The following DLG2 variants were observed in gnomAD, a reference collection of about 807,000 sequenced individuals.
DLG2 encodes disks large homolog 2.
In DLG2, 45 loss-of-function variants were observed where a neutral mutation model predicts 132.5. The observed-to-expected ratio is 0.34, with a 90% CI of 0.27 to 0.44. The LOEUF (loss-of-function observed/expected upper bound fraction) is 0.44. Among genes scored for constraint, DLG2 ranks in the 20% least tolerant of loss-of-function variants. The pLI, the probability that DLG2 is intolerant of heterozygous loss-of-function variation, is 1.00. For synonymous variants in DLG2, 424 were observed against 419.6 expected (o/e 1.01, Z -0.13); for missense variants, 1,045 against 1,196.9 (o/e 0.87, Z 1.87).
intron 7 of DLG2, among the ~76,000 whole-genome samples, chr11:84,450,029 A>G (rs533947356): frequency 1.3e-5 from 2 of 151,914 alleles, no homozygotes; most frequent in Non-Finnish European, 2.9e-5. Context: ...ACTCTCAACT[A>G]ATTTAATCCT....
At chr11:85,115,455 A>T (rs2152335625) in intron 5 of DLG2, among the ~76,000 whole-genome samples, 1 of 152,146 alleles carries the variant, frequency 6.6e-6, no homozygotes, top group African/African-American at 2.4e-5. Flanking sequence ...TTCTAAGGAG[A>T]AAGATAAACT....
At chr11:84,123,449 C>T (rs1477695919) in intron 9 of DLG2, among the ~76,000 whole-genome samples, 1 of 152,210 alleles carries the variant, frequency 6.6e-6, no homozygotes, top group African/African-American at 2.4e-5. Context: ...TCCATTAACC[C>T]TGGATCCTCT....
chr11:85,149,844 C>T (rs2077108186), intron 5 of DLG2, among the ~76,000 whole-genome samples: 2 of 152,060 alleles, frequency 1.3e-5, no homozygotes, highest in Admixed American at 1.3e-4. Flanking sequence ...CAACTTGAGG[C>T]TTTCCAGCAG....
intron 4 of DLG2, among the ~76,000 whole-genome samples, chr11:85,187,377 C>G (rs998645011): frequency 5.9e-5 from 9 of 152,070 alleles, no homozygotes; most frequent in African/African-American, 2.2e-4. Flanking sequence ...CATGACCTAA[C>G]GGTTCATTGC....
chr11:84,742,941 T>G (rs1400640194), intron 6 of DLG2, among the ~76,000 whole-genome samples: 2 of 152,174 alleles, frequency 1.3e-5, no homozygotes, highest in East Asian at 3.8e-4. Flanking sequence ...GTTTCCAGTT[T>G]TTACCTATTA....
intron 4 of DLG2, among the ~76,000 whole-genome samples, chr11:85,245,191 C>A (rs1160554514): frequency 6.6e-6 from 1 of 151,790 alleles, no homozygotes; most frequent in African/African-American, 2.4e-5. Flanking sequence ...CTTATTAATC[C>A]TTATTAATAA....
At chr11:85,139,231 C>T (rs1415079421) in intron 5 of DLG2, among the ~76,000 whole-genome samples, 1 of 152,072 alleles carries the variant, frequency 6.6e-6, no homozygotes. Context: ...AGAGCAGGAA[C>T]CTTATGTTTT....
At chr11:83,887,081 C>A (rs148084540) in intron 15 of DLG2, among the ~76,000 whole-genome samples, 3 of 151,890 alleles carry the variant, frequency 2.0e-5, no homozygotes, top group Admixed American at 2.0e-4. Context: ...TAGCATAAGG[C>A]GAGAAATAAC....
rs192285551 is a variant in DLG2 at position 83,766,361 on chromosome 11, G to C, written c.1825+20329C>G. ...ACCCATCTCAGCCTCCCAAAGTGCT[G>C]GGATTACAGGTGTGAGCCACCATGC... On this transcript the variant is annotated intron_variant, in intron 18 of 27. Transcript: ENST00000376104. 1.7e-3 allele frequency among the ~76,000 whole-genome samples: 249 copies of C among 150,836 alleles called. 1 individual carries two copies. The highest frequency in any genetic ancestry group is 6.0e-3 in the African/African-American group (247 of 41,072).
intron 6 of DLG2, among the ~76,000 whole-genome samples, chr11:84,804,642 A>C (rs2075792233): frequency 6.6e-6 from 1 of 152,176 alleles, no homozygotes; most frequent in Admixed American, 6.5e-5. Context: ...AGAGGCACAC[A>C]AGAACAGCCC....
intron 18 of DLG2, among the ~76,000 whole-genome samples, chr11:83,672,334 C>T (rs890170687): frequency 6.6e-6 from 1 of 151,972 alleles, no homozygotes; most frequent in African/African-American, 2.4e-5. Flanking sequence ...ACAGGCACCA[C>T]GCCCGGCTAA....
intron 8 of DLG2, among the ~76,000 whole-genome samples, chr11:84,183,128 C>T (rs2096185434): frequency 1.3e-5 from 2 of 152,074 alleles, no homozygotes; most frequent in Admixed American, 1.3e-4. Context: ...GAACCAGGCC[C>T]AGATGGGTTC....
chr11:83,607,631 T>C (rs1372827774), intron 19 of DLG2, among the ~76,000 whole-genome samples: 1 of 152,232 alleles, frequency 6.6e-6, no homozygotes, highest in Non-Finnish European at 1.5e-5. Context: ...CCAAAACAAA[T>C]GAATGCATCT....
At chr11:84,148,608 C>T (rs754913661) in intron 9 of DLG2, among the ~76,000 whole-genome samples, 1 of 152,024 alleles carries the variant, frequency 6.6e-6, no homozygotes, top group Non-Finnish European at 1.5e-5. Context: ...TTTCTTTACC[C>T]AATCCACCAC....
In DLG2 at chr11:84,865,091, C is replaced by T. The variant is rs1009211524; in HGVS notation, c.357+246570G>A. Among the ~76,000 whole-genome samples the T allele has an allele frequency of 5.3e-4, 80 of 152,222 alleles. 1 individual carries two copies. Among genetic ancestry groups the T allele is most frequent in the Non-Finnish European group, 4.9e-4 (33 of 68,014 alleles). On this transcript the variant is annotated intron_variant, in intron 6 of 27. Transcript: ENST00000376104. ...ACCCTGCTTAGGATTCTATTCATAACAAATATATAAAAGGTTACTCTCTAT... is the reference window on the plus strand; with the variant it reads ...ACCCTGCTTAGGATTCTATTCATAATAAATATATAAAAGGTTACTCTCTAT...
intron 9 of DLG2, among the ~76,000 whole-genome samples, chr11:84,150,514 T>C (rs1232952186): frequency 6.6e-6 from 1 of 152,206 alleles, no homozygotes; most frequent in Non-Finnish European, 1.5e-5. Context: ...TAGTATTTTA[T>C]ACTCTCATAG....
intron 7 of DLG2, among the ~76,000 whole-genome samples, chr11:84,472,120 T>G (rs2099110012): frequency 6.6e-6 from 1 of 151,918 alleles, no homozygotes; most frequent in Non-Finnish European, 1.5e-5. Context: ...ATATTTAGAA[T>G]AAGCTATCTT....
chr11:84,036,346 A>G (rs1381582087), intron 11 of DLG2, among the ~76,000 whole-genome samples: 1 of 152,182 alleles, frequency 6.6e-6, no homozygotes, highest in African/African-American at 2.4e-5. Flanking sequence ...GATATCCTTC[A>G]TGAAAATGAA....
chr11:84,853,490 T>C (rs1459260342), intron 6 of DLG2, among the ~76,000 whole-genome samples: 1 of 152,038 alleles, frequency 6.6e-6, no homozygotes, highest in Non-Finnish European at 1.5e-5. Flanking sequence ...TCTCAAATCA[T>C]ATATCTTAAA....
Sources: allele counts gnomAD v4.1 joint callset (sites outside exome capture counted in the v4.1 genomes callset), GRCh38; gene constraint gnomAD v4.1.1; transcripts MANE v1.5; gene names NCBI Gene and HGNC (gene_info 2026-07-23, HGNC 2026-07-21).